The following BCL2 variants were observed in gnomAD, a reference collection of about 807,000 sequenced individuals.
BCL2 encodes apoptosis regulator Bcl-2.
A neutral mutation model predicts 14.2 loss-of-function variants in BCL2; 1 was observed. That is an observed-to-expected ratio of 0.07 (90% CI 0.02 to 0.33). The LOEUF (loss-of-function observed/expected upper bound fraction) is 0.33. Among genes scored for constraint, BCL2 ranks in the 10% least tolerant of loss-of-function variants. BCL2 has a pLI of 0.99. For missense variants in BCL2, 247 were observed against 305.9 expected, an observed-to-expected ratio of 0.81 and a Z score of 1.44; for synonymous variants, 151 against 137.2, an observed-to-expected ratio of 1.10 and a Z score of -0.70.
chr18:63,202,698 C>G (rs1909730369), intron 2 of BCL2, among the ~76,000 whole-genome samples: 1 of 152,176 alleles, frequency 6.6e-6, no homozygotes, highest in Admixed American at 6.5e-5. Flanking sequence ...TTCTATCTTT[C>G]TTTAACTCTC....
intron 2 of BCL2, among the ~76,000 whole-genome samples, chr18:63,211,349 C>T (rs552847633): frequency 1.1e-4 from 17 of 152,186 alleles, no homozygotes; most frequent in East Asian, 5.8e-4. Context: ...TGACCCACCG[C>T]GCCTGGCCAT....
At chr18:63,210,372 G>A (rs999187423) in intron 2 of BCL2, among the ~76,000 whole-genome samples, 1 of 152,142 alleles carries the variant, frequency 6.6e-6, no homozygotes, top group Admixed American at 6.5e-5. Context: ...GCCCAAGGAA[G>A]AATAATATTT....
chr18:63,171,493 C>T (rs1232659204), intron 2 of BCL2, among the ~76,000 whole-genome samples: 1 of 152,106 alleles, frequency 6.6e-6, no homozygotes, highest in African/African-American at 2.4e-5. Flanking sequence ...CTTGCAAGGG[C>T]AAAGCACTTA....
chr18:63,204,456 C>T (rs1468857884), intron 2 of BCL2, among the ~76,000 whole-genome samples: 2 of 152,182 alleles, frequency 1.3e-5, no homozygotes, highest in African/African-American at 4.8e-5. Context: ...CTGGTTTACT[C>T]AAGGCACATA....
intron 2 of BCL2, chr18:63,314,274 A>G (rs754747076): frequency 2.0e-5 from 3 of 152,228 alleles, no homozygotes; most frequent in African/African-American, 7.2e-5. Context: ...TAAGCAGCCA[A>G]TCCTCAGACA....
At chr18:63,249,140 T>C (rs17758456) in intron 2 of BCL2, among the ~76,000 whole-genome samples, 3,364 of 152,222 alleles carry the variant, frequency 0.022, 116 homozygotes, top group Admixed American at 0.09. Flanking sequence ...TTCAGAAACC[T>C]TTTTTCAATT....
intron 2 of BCL2, among the ~76,000 whole-genome samples, chr18:63,246,721 C>T (rs180824482): frequency 5.9e-5 from 9 of 152,286 alleles, no homozygotes; most frequent in Admixed American, 2.6e-4. Context: ...TTGTCTGCCA[C>T]GTTCTTATTT....
intron 2 of BCL2, among the ~76,000 whole-genome samples, chr18:63,295,510 T>G (rs1912774406): frequency 6.6e-6 from 1 of 152,296 alleles, no homozygotes; most frequent in Admixed American, 6.5e-5. Context: ...TCGAAACTCA[T>G]AGAATCACAA....
chr18:63,287,587 C>T (rs1912511850), intron 2 of BCL2, among the ~76,000 whole-genome samples: 1 of 151,960 alleles, frequency 6.6e-6, no homozygotes, highest in Admixed American at 6.6e-5. Flanking sequence ...TAGTGGTTAC[C>T]TCTCTGTTCA....
chr18:63,139,804 T>C (rs910158657), intron 2 of BCL2, among the ~76,000 whole-genome samples: 4 of 152,232 alleles, frequency 2.6e-5, no homozygotes, highest in African/African-American at 7.2e-5. Flanking sequence ...CCTGTTGTGG[T>C]GCTCAGCCCT....
intron 2 of BCL2, among the ~76,000 whole-genome samples, chr18:63,251,362 CTG>C: frequency 6.6e-6 from 1 of 152,106 alleles, no homozygotes; most frequent in South Asian, 2.1e-4. Context: ...TCAACCATGA[CTG>C]TGTAACCTTA....
At chr18:63,169,405 T>TTCTTTCTTTC (rs1915167865) in intron 2 of BCL2, among the ~76,000 whole-genome samples, 1 of 102,418 alleles carries the variant, frequency 9.8e-6, no homozygotes, top group African/African-American at 5.4e-5. Flanking sequence ...TTCTTTCTTT[T>TTCTTTCTTTC]TCTTTCTCTC....
intron 2 of BCL2, among the ~76,000 whole-genome samples, chr18:63,135,943 T>G (rs1914197245): frequency 6.6e-6 from 1 of 152,124 alleles, no homozygotes; most frequent in Non-Finnish European, 1.5e-5. Flanking sequence ...ATACCCTCCA[T>G]GTGGCTAAAT....
intron 2 of BCL2, among the ~76,000 whole-genome samples, chr18:63,177,664 T>C (rs1307300473): frequency 1.3e-5 from 2 of 152,238 alleles, no homozygotes; most frequent in African/African-American, 2.4e-5. Context: ...TCAGTATTTG[T>C]TGATGAGTAA....
At chr18:63,261,665 T>C (rs1364630519) in intron 2 of BCL2, among the ~76,000 whole-genome samples, 4 of 152,222 alleles carry the variant, frequency 2.6e-5, no homozygotes, top group Non-Finnish European at 5.9e-5. Context: ...ATTTAAGGAA[T>C]GTGGTTATAC....
At chr18:63,225,374 T>C (rs1464132616) in intron 2 of BCL2, among the ~76,000 whole-genome samples, 1 of 152,058 alleles carries the variant, frequency 6.6e-6, no homozygotes, top group Non-Finnish European at 1.5e-5. Flanking sequence ...ATACATAAAA[T>C]TGATGAAACA....
In BCL2 at chr18:63,124,088, T is replaced by C. The variant is rs4987866; in HGVS notation, c.*4537A>G. The stretch of plus-strand genomic sequence containing the variant: ...CCATTCATGCTCCATCTGATTTTCT[T>C]TGCATCCAGTGAGATGCATATTTCA... On this transcript the variant is annotated 3_prime_UTR_variant, in exon 3 of 3. Transcript: ENST00000333681. 1.1e-3 allele frequency: 244 copies of C among 221,232 alleles called. No individual in the cohort carries two copies. Among genetic ancestry groups the C allele is most frequent in the African/African-American group, 5.2e-3 (234 of 44,726 alleles). The allele number at this position is 221,232 out of a possible 1,614,324, so 13.7% of individuals were successfully genotyped here.
chr18:63,170,542 C>G (rs865851670), intron 2 of BCL2, among the ~76,000 whole-genome samples: 7 of 152,158 alleles, frequency 4.6e-5, no homozygotes, highest in African/African-American at 1.7e-4. Flanking sequence ...AGACCCAACC[C>G]CAGGTCAGAG....
chr18:63,302,105 A>C (rs1287564231), intron 2 of BCL2, among the ~76,000 whole-genome samples: 1 of 152,020 alleles, frequency 6.6e-6, no homozygotes, highest in Non-Finnish European at 1.5e-5. Context: ...AGGCAGGTGG[A>C]TCATCTGAGG....
Sources: gnomAD v4.1 joint callset for allele counts (sites outside exome capture counted in the v4.1 genomes callset) on GRCh38, gnomAD v4.1.1 for gene constraint, MANE v1.5 for transcripts, NCBI Gene and HGNC (gene_info 2026-07-23, HGNC 2026-07-21) for gene names.